The following RIT2 variants were observed in gnomAD, a reference collection of about 807,000 sequenced individuals.
RIT2 encodes the protein GTP-binding protein Rit2.
A neutral mutation model predicts 23.7 loss-of-function variants in RIT2; 24 were observed. The observed-to-expected ratio is 1.01, with a 90% confidence interval of 0.73 to 1.43. The LOEUF (loss-of-function observed/expected upper bound fraction) is 1.43. Among genes scored for constraint, RIT2 ranks in the 40% most tolerant of loss-of-function variants. The pLI, the probability that RIT2 is intolerant of heterozygous loss-of-function variation, is 0.00. For synonymous variants in RIT2, 107 were observed against 91.1 expected (o/e 1.17, Z -0.99); for missense variants, 236 against 266.9 (o/e 0.88, Z 0.81).
At chr18:42,828,967 T>C (rs938649270) in intron 4 of RIT2, among the ~76,000 whole-genome samples, 1 of 152,192 alleles carries the variant, frequency 6.6e-6, no homozygotes, top group Non-Finnish European at 1.5e-5. Flanking sequence ...AGACTAGTTT[T>C]CTGACTAGTT....
At chr18:42,891,044 T>G (rs1460973292) in intron 4 of RIT2, among the ~76,000 whole-genome samples, 1 of 152,088 alleles carries the variant, frequency 6.6e-6, no homozygotes, top group Non-Finnish European at 1.5e-5. Context: ...AACAGACATA[T>G]TAAACTAAAA....
At chr18:42,942,255 A>G (rs1909621659) in intron 3 of RIT2, among the ~76,000 whole-genome samples, 1 of 152,104 alleles carries the variant, frequency 6.6e-6, no homozygotes. Flanking sequence ...TTTTACTGGC[A>G]CACAGAGTGG....
chr18:42,868,793 A>G (rs1323946541), intron 4 of RIT2, among the ~76,000 whole-genome samples: 1 of 152,218 alleles, frequency 6.6e-6, no homozygotes, highest in African/African-American at 2.4e-5. Context: ...TACTCTTGGT[A>G]GTATTCAAGT....
intron 1 of RIT2, among the ~76,000 whole-genome samples, chr18:43,063,978 A>C (rs547832335): frequency 6.6e-6 from 1 of 152,318 alleles, no homozygotes; most frequent in South Asian, 2.1e-4. Flanking sequence ...CTGGTTTTAC[A>C]GATGAAAAAT....
At chr18:43,015,248 A>G (rs1911446987) in intron 2 of RIT2, among the ~76,000 whole-genome samples, 1 of 151,696 alleles carries the variant, frequency 6.6e-6, no homozygotes, top group Non-Finnish European at 1.5e-5. Context: ...CAATAGCTCA[A>G]TGATAGCATA....
chr18:42,985,032 C>G (rs1404662458), intron 2 of RIT2, among the ~76,000 whole-genome samples: 1 of 151,852 alleles, frequency 6.6e-6, no homozygotes, highest in Non-Finnish European at 1.5e-5. Context: ...GTAGAAAATT[C>G]AAAGAAGCTA....
At chr18:42,942,729 C>A (rs1423774548) in intron 3 of RIT2, among the ~76,000 whole-genome samples, 1 of 151,920 alleles carries the variant, frequency 6.6e-6, no homozygotes, top group African/African-American at 2.4e-5. Context: ...TGGTGTTAGT[C>A]CACAGTGGGT....
intron 1 of RIT2, among the ~76,000 whole-genome samples, chr18:43,045,485 G>C (rs8098915): frequency 0.81 from 123,621 of 152,060 alleles, 51,513 homozygotes; most frequent in Non-Finnish European, 0.93. Flanking sequence ...CGTATACCCG[G>C]GGCTGAAGGT....
At chr18:42,839,092 A>G (rs955059097) in intron 4 of RIT2, among the ~76,000 whole-genome samples, 1 of 152,134 alleles carries the variant, frequency 6.6e-6, no homozygotes, top group Non-Finnish European at 1.5e-5. Context: ...CTCATCCTAA[A>G]CCAATCCTTT....
chr18:42,888,201 A>G lies in RIT2; in HGVS notation c.426+35371T>C, dbSNP rs143425532. On this transcript the variant is annotated intron_variant, in intron 4 of 4. Coordinates refer to ENST00000326695, the MANE Select transcript of RIT2 (RefSeq NM_002930.4). ...TGTAGGTTTATAGTTTGTAACGAAT[A>G]TACCACTGTGGCGGGGGATTTTAAT... is the stretch of plus-strand genomic sequence containing the variant. Among the ~76,000 whole-genome samples the G allele has an allele frequency of 9.9e-5, 15 of 152,010 alleles. No individual in the cohort carries two copies. The East Asian group carries it at 2.9e-3, about 29-fold the overall frequency.
intron 2 of RIT2, among the ~76,000 whole-genome samples, chr18:42,988,015 A>C (rs1439080093): frequency 2.6e-5 from 4 of 152,266 alleles, no homozygotes; most frequent in African/African-American, 9.6e-5. Context: ...CCAAATTTCA[A>C]CATGATATTT....
At position 42,939,326 on chromosome 18, in the gene RIT2, T is replaced by C. The variant is rs145637146; in HGVS notation, c.235-15563A>G. On this transcript the variant is annotated intron_variant, in intron 3 of 4. Transcript: ENST00000326695. ...TAAAAAGAGTACCTACCCCATAAGG[T>C]TGTTGCAAGACCAAGTCCGTTATTA... 5.3e-5 allele frequency among the ~76,000 whole-genome samples: 8 copies of C among 152,226 alleles called. No individual in the cohort carries two copies. The East Asian group carries it at 1.5e-3, about 29-fold the overall frequency.
chr18:42,942,442 G>A (rs925700400), intron 3 of RIT2, among the ~76,000 whole-genome samples: 1 of 152,212 alleles, frequency 6.6e-6, no homozygotes, highest in South Asian at 2.1e-4. Flanking sequence ...TCACAGCTAC[G>A]TACTGTCTTC....
chr18:43,042,908 T>G (rs1423475178), intron 1 of RIT2, among the ~76,000 whole-genome samples: 2 of 152,140 alleles, frequency 1.3e-5, no homozygotes, highest in Non-Finnish European at 2.9e-5. Context: ...TAGGATAAAA[T>G]TCTATGACAA....
At chr18:43,095,772 C>T (rs1268290134) in intron 1 of RIT2, among the ~76,000 whole-genome samples, 5 of 151,898 alleles carry the variant, frequency 3.3e-5, no homozygotes, top group African/African-American at 7.2e-5. Flanking sequence ...ACTCAAATGA[C>T]ATGATAATTT....
chr18:42,888,049 G>C (rs1908068731), intron 4 of RIT2, among the ~76,000 whole-genome samples: 1 of 152,082 alleles, frequency 6.6e-6, no homozygotes, highest in Admixed American at 6.6e-5. Flanking sequence ...TTTTAGGGCA[G>C]TGATATTATT....
intron 4 of RIT2, among the ~76,000 whole-genome samples, chr18:42,876,797 A>C (rs1467141170): frequency 6.6e-6 from 1 of 151,918 alleles, no homozygotes; most frequent in Admixed American, 6.6e-5. Context: ...GGTACATTTA[A>C]TTCTTTGTTC....
At chr18:42,884,191 CT>C (rs770958394) in intron 4 of RIT2, among the ~76,000 whole-genome samples, 50 of 152,340 alleles carry the variant, frequency 3.3e-4, no homozygotes, top group East Asian at 1.2e-3. Flanking sequence ...TAAGCAGTCT[CT>C]CCCAGGAGCT....
intron 1 of RIT2, among the ~76,000 whole-genome samples, chr18:43,105,782 T>C (rs1047874971): frequency 1.3e-5 from 2 of 152,190 alleles, no homozygotes; most frequent in African/African-American, 4.8e-5. Context: ...ATATTCTGAG[T>C]ATGAACCGTT....
Sources: allele counts gnomAD v4.1 joint callset (sites outside exome capture counted in the v4.1 genomes callset), GRCh38; gene constraint gnomAD v4.1.1; transcripts MANE v1.5; gene names NCBI Gene and HGNC (gene_info 2026-07-23, HGNC 2026-07-21).